Variants in MACROD2 observed in about 807,000 individuals in gnomAD.
MACROD2 encodes the protein mono-ADP ribosylhydrolase 2, also known as ADP-ribose glycohydrolase MACROD2.
MACROD2 carries 36 observed loss-of-function variants against 70.4 expected under a neutral mutation model. The ratio of observed to expected loss-of-function variants is 0.51; its 90% CI spans 0.39 to 0.68. The LOEUF (loss-of-function observed/expected upper bound fraction) is 0.68, where lower values mean the gene tolerates loss of function less well. Ranked by LOEUF, MACROD2 falls within the 30% of genes least tolerant of loss-of-function variation. The pLI is 0.00. For synonymous variants in MACROD2, 172 were observed against 178.8 expected (o/e 0.96, Z 0.30); for missense variants, 496 against 538.4 (o/e 0.92, Z 0.78).
intron 6 of MACROD2, among the ~76,000 whole-genome samples, chr20:15,411,125 T>G (rs1201763430): frequency 1.4e-5 from 2 of 144,956 alleles, no homozygotes; most frequent in African/African-American, 5.0e-5. Flanking sequence ...TACATGTTAA[T>G]TAATTGCCAC....
chr20:15,501,420 T>C (rs2047363380), intron 8 of MACROD2, among the ~76,000 whole-genome samples: 1 of 152,330 alleles, frequency 6.6e-6, no homozygotes, highest in East Asian at 1.9e-4. Flanking sequence ...GATGTAGTGA[T>C]GAAGAATAAA....
chr20:15,047,650 CA>C (rs1486631913), intron 5 of MACROD2, among the ~76,000 whole-genome samples: 3 of 152,134 alleles, frequency 2.0e-5, no homozygotes, highest in Non-Finnish European at 4.4e-5. Flanking sequence ...CCTGCCCCTC[CA>C]ATTCTGGGTA....
At chr20:15,156,573 C>T (rs2076308356) in intron 5 of MACROD2, among the ~76,000 whole-genome samples, 1 of 152,102 alleles carries the variant, frequency 6.6e-6, no homozygotes, top group Non-Finnish European at 1.5e-5. Context: ...GTTAATTACC[C>T]AAGTATCCCT....
chr20:15,537,461 A>G (rs934158186), intron 8 of MACROD2, among the ~76,000 whole-genome samples: 1 of 126,442 alleles, frequency 7.9e-6, no homozygotes, highest in East Asian at 2.4e-4. Context: ...GGGAAATCCC[A>G]CTCATCTTTT....
intron 5 of MACROD2, among the ~76,000 whole-genome samples, chr20:14,912,200 C>G (rs56305288): frequency 4.6e-5 from 7 of 152,292 alleles, no homozygotes; most frequent in Non-Finnish European, 1.0e-4. Context: ...TAGCAGCTTT[C>G]TGCCGTTATC....
At position 14,379,016 on chromosome 20, in the gene MACROD2, C is replaced by T. The variant is rs753459151; in HGVS notation, c.272-114463C>T. 5.4e-4 allele frequency among the ~76,000 whole-genome samples: 82 copies of T among 152,102 alleles called. 1 individual carries two copies. Among genetic ancestry groups the T allele is most frequent in the Non-Finnish European group, 2.1e-4 (14 of 68,020 alleles). ...CCCTAGAATCTCAGATGCTTTTCTC[C>T]GAGCACTTTCCCCAATAATAATAAT... is the stretch of plus-strand genomic sequence containing the variant. On this transcript the variant is annotated intron_variant, in intron 3 of 17. Coordinates refer to ENST00000684519, the MANE Select transcript of MACROD2 (RefSeq NM_001351661.2).
At chr20:14,211,263 G>A (rs910427726) in intron 3 of MACROD2, among the ~76,000 whole-genome samples, 1 of 152,114 alleles carries the variant, frequency 6.6e-6, no homozygotes, top group African/African-American at 2.4e-5. Context: ...CCTTGGACAA[G>A]TTATTTCACC....
At chr20:14,132,732 A>G (rs559206922) in intron 3 of MACROD2, among the ~76,000 whole-genome samples, 75 of 151,788 alleles carry the variant, frequency 4.9e-4, no homozygotes, top group Non-Finnish European at 7.8e-4. Context: ...TGAACCCCCC[A>G]GCCTCAAGCG....
chr20:14,009,447 T>C (rs2052867545), intron 2 of MACROD2, among the ~76,000 whole-genome samples: 1 of 152,126 alleles, frequency 6.6e-6, no homozygotes, highest in Non-Finnish European at 1.5e-5. Flanking sequence ...TCTGAATGGC[T>C]ATCATTAAAA....
rs1220094312 is a variant in MACROD2, at chr20:15,230,031, G to C, written c.510G>C (p.Lys170Asn). 1.2e-6 allele frequency: 2 copies of C among 1,613,468 alleles called. No individual in the cohort carries two copies. Among genetic ancestry groups the C allele is most frequent in the East Asian group, 2.2e-5 (1 of 44,844 alleles). ...DLANCYKSSL[K>N]LVKENNIRSV... ...CAAATTGCTATAAATCATCTCTGAA[G>C]CTCGTGAAAGAAAATAACATCCGAT... Residue 170 changes from lysine to asparagine, a missense_variant, in exon 6 of 18, where the codon AAG becomes AAC. Lys to Asn is a moderately conservative substitution (Grantham distance 94, BLOSUM62 0). Coordinates refer to ENST00000684519, the MANE Select transcript of MACROD2 (RefSeq NM_001351661.2).
chr20:14,462,700 T>C (rs2084386869), intron 3 of MACROD2, among the ~76,000 whole-genome samples: 2 of 152,128 alleles, frequency 1.3e-5, no homozygotes, highest in Non-Finnish European at 2.9e-5. Flanking sequence ...CCATCTTGAA[T>C]TAATTTTTGT....
At chr20:15,346,821 C>T (rs1287333924) in intron 6 of MACROD2, among the ~76,000 whole-genome samples, 1 of 152,146 alleles carries the variant, frequency 6.6e-6, no homozygotes, top group Non-Finnish European at 1.5e-5. Flanking sequence ...ACACCAACCA[C>T]GGTGAAGTCC....
intron 3 of MACROD2, among the ~76,000 whole-genome samples, chr20:14,197,036 C>T (rs1214067034): frequency 3.9e-5 from 6 of 152,198 alleles, no homozygotes; most frequent in South Asian, 2.1e-4. Flanking sequence ...GGGAGAATTA[C>T]ATTTAGAGGG....
At chr20:15,954,552 T>G (rs2065950060) in intron 12 of MACROD2, among the ~76,000 whole-genome samples, 1 of 152,198 alleles carries the variant, frequency 6.6e-6, no homozygotes, top group Non-Finnish European at 1.5e-5. Context: ...ACAGTATTTA[T>G]GTTGTCCACC....
intron 5 of MACROD2, among the ~76,000 whole-genome samples, chr20:15,149,980 A>G (rs1166718861): frequency 6.6e-6 from 1 of 151,994 alleles, no homozygotes; most frequent in African/African-American, 2.4e-5. Context: ...TTTTGTTAGG[A>G]TGGCAAAACC....
chr20:14,455,049 C>T (rs573218620), intron 3 of MACROD2, among the ~76,000 whole-genome samples: 3 of 151,758 alleles, frequency 2.0e-5, no homozygotes, highest in African/African-American at 4.9e-5. Context: ...ACTGTGCTGT[C>T]GCATATCTTG....
intron 3 of MACROD2, among the ~76,000 whole-genome samples, chr20:14,468,428 G>T (rs1158125063): frequency 7.0e-6 from 1 of 143,588 alleles, no homozygotes; most frequent in Non-Finnish European, 1.5e-5. Context: ...GACTAGGATT[G>T]CAACCCCTGC....
intron 5 of MACROD2, among the ~76,000 whole-genome samples, chr20:15,175,085 A>C (rs1360104169): frequency 2.6e-5 from 4 of 152,226 alleles, no homozygotes; most frequent in African/African-American, 9.6e-5. Context: ...ACACCATGGA[A>C]TACTATGCAG....
At chr20:14,299,887 C>T (rs996300984) in intron 3 of MACROD2, among the ~76,000 whole-genome samples, 3 of 152,056 alleles carry the variant, frequency 2.0e-5, no homozygotes, top group South Asian at 2.1e-4. Context: ...TTGAGATTCT[C>T]GTATTCTAAA....
Sources: allele counts gnomAD v4.1 joint callset (sites outside exome capture counted in the v4.1 genomes callset), GRCh38; gene constraint gnomAD v4.1.1; transcripts MANE v1.5; gene names NCBI Gene and HGNC (gene_info 2026-07-23, HGNC 2026-07-21).